NFIB: variants seen among roughly 807,000 people sequenced by gnomAD.
NFIB encodes the protein nuclear factor 1 B-type.
In NFIB, 11 loss-of-function variants were observed where a neutral mutation model predicts 61.5. That is an observed-to-expected ratio of 0.18 (90% CI 0.11 to 0.30). NFIB has a LOEUF of 0.30. Ranked by LOEUF, NFIB falls within the 10% of genes least tolerant of loss-of-function variation. The probability of loss-of-function intolerance (pLI) is 1.00; values close to 1 mark genes in which losing one functional copy is unlikely to be tolerated. For missense variants in NFIB, 471 were observed against 608.9 expected, an observed-to-expected ratio of 0.77 and a Z score of 2.38; for synonymous variants, 260 against 216.5, an observed-to-expected ratio of 1.20 and a Z score of -1.76.
At chr9:14,322,072 T>G (rs1354496541) in intron 1 of NFIB, 2 of 1,162,730 alleles carry the variant, frequency 1.7e-6, no homozygotes, top group African/African-American at 4.3e-5. Flanking sequence ...TTTTTGTGTT[T>G]AGTTAAAAAA....
At chr9:14,287,584 G>A (rs908537989) in intron 2 of NFIB, among the ~76,000 whole-genome samples, 19 of 151,662 alleles carry the variant, frequency 1.3e-4, no homozygotes, top group Non-Finnish European at 2.4e-4. Context: ...CACCAGGCCC[G>A]GCTAATTTTT....
intron 8 of NFIB, 43 bp from the exon 9 acceptor site, chr9:14,116,389 G>A: frequency 1.4e-6 from 2 of 1,436,982 alleles, no homozygotes; most frequent in Non-Finnish European, 1.8e-6. Context: ...AATCCAAAAG[G>A]CAGTCATCTT....
intron 2 of NFIB, among the ~76,000 whole-genome samples, chr9:14,225,603 T>A (rs988814003): frequency 6.6e-6 from 1 of 151,458 alleles, no homozygotes. Context: ...GGATAAAATT[T>A]CATTTTATAG....
chr9:14,190,091 C>G (rs560748565), intron 2 of NFIB, among the ~76,000 whole-genome samples: 1 of 152,084 alleles, frequency 6.6e-6, no homozygotes, highest in Non-Finnish European at 1.5e-5. Flanking sequence ...ATCATGTTAG[C>G]TAAAAAGATA....
intron 2 of NFIB, among the ~76,000 whole-genome samples, chr9:14,240,547 C>T (rs529600593): frequency 6.6e-6 from 1 of 152,300 alleles, no homozygotes; most frequent in East Asian, 1.9e-4. Flanking sequence ...AACTCAACAG[C>T]TTCACTTGTT....
the NFIB span, among the ~76,000 whole-genome samples, chr9:14,408,872 T>G: frequency 2.6e-5 from 4 of 152,210 alleles, no homozygotes; most frequent in African/African-American, 9.7e-5. Flanking sequence ...CCCTGTGAAA[T>G]AGTTGCTATA....
the NFIB span, among the ~76,000 whole-genome samples, chr9:14,457,697 C>A: frequency 1.3e-5 from 2 of 151,964 alleles, no homozygotes; most frequent in African/African-American, 4.8e-5. Context: ...CACCACCGAT[C>A]CCACAGAAAT....
intron 2 of NFIB, among the ~76,000 whole-genome samples, chr9:14,229,409 T>C (rs938988816): frequency 2.6e-5 from 4 of 152,186 alleles, no homozygotes; most frequent in African/African-American, 7.2e-5. Flanking sequence ...AATAAATTCA[T>C]TCATTCAGTA....
chr9:14,307,363 C>G lies in NFIB; in HGVS notation c.188G>C (p.Ser63Thr). ...EERAVKDELL[S>T]EKPEIKQKWA... ...CTTCTGTTTGATTTCAGGCTTTTCA[C>G]TGAGAAGCTCATCTTTGACTGCTCT... Residue 63 changes from serine to threonine, a missense_variant, in exon 2 of 11, where the codon AGT (serine) becomes ACT (threonine). By Grantham distance (58) the Ser-to-Thr change is moderately conservative (BLOSUM62 1). This residue lies in a region of NFIB where 99 missense variants were observed against 213.3 expected (regional missense o/e 0.46). Coordinates refer to ENST00000380953, the MANE Select transcript of NFIB (RefSeq NM_001190737.2). This position sits in a 1 kb window ranked among gnomAD's most constrained non-coding sequence, Gnocchi z 5.3. The G allele has an allele frequency of 6.2e-7, 1 of 1,614,094 alleles. No homozygotes were observed. The highest frequency in any genetic ancestry group is 1.1e-5 in the South Asian group (1 of 91,078).
intron 2 of NFIB, among the ~76,000 whole-genome samples, chr9:14,212,879 T>C (rs1213111507): frequency 6.6e-6 from 1 of 152,156 alleles, no homozygotes; most frequent in East Asian, 1.9e-4. Flanking sequence ...CTCACAGAGA[T>C]TAAATGTTTT....
At chr9:14,475,443 G>T in the NFIB span, among the ~76,000 whole-genome samples, 27 of 152,304 alleles carry the variant, frequency 1.8e-4, no homozygotes, top group African/African-American at 5.8e-4. Context: ...GGACGGTACA[G>T]TTCAGGAAGT....
At chr9:14,322,790 G>A (rs2060694612) in intron 1 of NFIB, among the ~76,000 whole-genome samples, 2 of 151,798 alleles carry the variant, frequency 1.3e-5, no homozygotes, top group African/African-American at 2.4e-5. Context: ...AGCGTGGGTG[G>A]GTGCGTGGGT....
chr9:14,155,896 G>A lies in NFIB; in HGVS notation c.617-3C>T. 3 of 1,526,818 alleles carry A rather than the reference G, an allele frequency of 2.0e-6. No individual in the cohort carries two copies. The highest frequency in any genetic ancestry group is 2.4e-5 in the South Asian group (2 of 83,056). 94.6% of individuals were successfully genotyped at this position (1,526,818 alleles called of 1,614,324 possible). The stretch of plus-strand genomic sequence containing the variant: ...TACAAAACTATCCTCAAGGTAACCT[G>A]AAAATAAATATTAAAGGAAAAATGA... On this transcript the variant is annotated splice_polypyrimidine_tract_variant and splice_region_variant and intron_variant, in intron 3 of 10. Transcript: ENST00000380953.
rs2118355240 is a variant in NFIB at position 14,083,553 on chromosome 9, A to C, written c.*4756T>G. The C allele has an allele frequency of 4.5e-6, 1 of 224,506 alleles. No homozygotes were observed. The highest frequency in any genetic ancestry group is 1.4e-3 in the Middle Eastern group (1 of 736). 13.9% of individuals were successfully genotyped at this position (224,506 alleles called of 1,614,324 possible). On this transcript the variant is annotated 3_prime_UTR_variant, in exon 11 of 11. Transcript: ENST00000380953. ...AGTCCAGAAAGCATGCAGCTGGTTA[A>C]TGTTAACAAAAGACCTTGACAGGAA...
At chr9:14,346,220 G>A (rs1326384070) in intron 1 of NFIB, among the ~76,000 whole-genome samples, 1 of 151,966 alleles carries the variant, frequency 6.6e-6, no homozygotes, top group Non-Finnish European at 1.5e-5. Context: ...TCATGCGGAG[G>A]GGAGAGGATT....
At position 14,307,484 on chromosome 9, in the gene NFIB, G is replaced by A. The variant is rs1321377017; in HGVS notation, c.67C>T (p.His23Tyr). 2.5e-6 allele frequency: 4 copies of A among 1,610,492 alleles called. No homozygotes were observed. The highest frequency in any genetic ancestry group is 3.4e-6 in the Non-Finnish European group (4 of 1,177,666). ...CAAGTATAGGCAATTGCACGGACAT[G>A]TGGAAGAAGTGCCTCGATGAATGGG... ...FHPFIEALLP[H>Y]VRAIAYTWFN... is the part of the protein sequence containing the mutation. The change falls in exon 2 of 11, where the codon CAT becomes TAT. Residue 23 changes from histidine to tyrosine, a missense_variant. Coordinates refer to ENST00000380953, the MANE Select transcript of NFIB (RefSeq NM_001190737.2). The surrounding 1 kb of genome is among the most constrained non-coding windows in gnomAD (Gnocchi z 5.3).
chr9:14,116,017 G>C (rs1320835805), intron 9 of NFIB, among the ~76,000 whole-genome samples, 191 bp downstream of exon 9: 1 of 152,220 alleles, frequency 6.6e-6, no homozygotes, highest in Admixed American at 6.5e-5. Context: ...TTTGAGAAGA[G>C]AGAGCCTGTG....
chr9:14,524,403 C>T, the NFIB span, among the ~76,000 whole-genome samples: 1 of 152,242 alleles, frequency 6.6e-6, no homozygotes, highest in Non-Finnish European at 1.5e-5. Flanking sequence ...ATCCCATTTA[C>T]AACATAATGT....
chr9:14,093,082 C>T (rs2034203852), intron 10 of NFIB, among the ~76,000 whole-genome samples: 1 of 151,954 alleles, frequency 6.6e-6, no homozygotes, highest in Non-Finnish European at 1.5e-5. Context: ...CCACAGGGTG[C>T]CACATTAAAC....
Sources: gnomAD v4.1 joint callset for allele counts (sites outside exome capture counted in the v4.1 genomes callset) on GRCh38, gnomAD v4.1.1 for gene constraint, gnomAD v4.1.1 regional missense constraint, Gnocchi (gnomAD v3.1) non-coding constraint, MANE v1.5 for transcripts, NCBI Gene and HGNC (gene_info 2026-07-23, HGNC 2026-07-21) for gene names.